SH3KBP1: variants seen among roughly 807,000 people sequenced by gnomAD.
SH3KBP1 encodes the protein SH3 domain-containing kinase-binding protein 1.
A neutral mutation model predicts 50.1 loss-of-function variants in SH3KBP1; 8 were observed. The ratio of observed to expected loss-of-function variants is 0.16; its 90% CI spans 0.09 to 0.29. SH3KBP1 has a LOEUF of 0.29. SH3KBP1 is among the 10% of genes least tolerant of loss of function. The pLI is 1.00. For synonymous variants in SH3KBP1, 227 were observed against 218.6 expected, an observed-to-expected ratio of 1.04 and a Z score of -0.34; for missense variants, 377 against 535.2, an observed-to-expected ratio of 0.70 and a Z score of 2.92.
chrX:19,799,154 C>G (rs190677984), intron 2 of SH3KBP1, among the ~76,000 whole-genome samples: 3 of 110,351 alleles, frequency 2.7e-5, no homozygotes, highest in East Asian at 2.9e-4. Flanking sequence ...TGGCTTCCCC[C>G]CTAGATTCCC....
chrX:19,863,333 G>A (rs1471401162), intron 1 of SH3KBP1, among the ~76,000 whole-genome samples: 1 of 111,190 alleles, frequency 9.0e-6, no homozygotes, highest in Admixed American at 9.5e-5. Context: ...AAGTAACAGG[G>A]ACTATAGGTA....
intron 3 of SH3KBP1, among the ~76,000 whole-genome samples, chrX:19,737,179 T>C (rs2064612342): frequency 9.0e-6 from 1 of 111,509 alleles, no homozygotes; most frequent in South Asian, 3.8e-4. Context: ...CCCAAAGTGT[T>C]GGGATTACAG....
rs183170157 is a variant in SH3KBP1, at chrX:19,880,036, G to A, written c.4+7271C>T. Among the ~76,000 whole-genome samples, 506 of 112,658 alleles carry A rather than the reference G, an allele frequency of 4.5e-3. 1 individual carries two copies. The highest frequency in any genetic ancestry group is 7.2e-3 in the Non-Finnish European group (381 of 53,217). ...ATGACTCTCCACTCCCCTGACCCCC[G>A]CCACCAGCTGTGACAACCAAAAGTG... On this transcript the variant is annotated intron_variant, in intron 1 of 17. Transcript: ENST00000397821.
At chrX:19,724,139 AG>A (rs2064150651) in intron 3 of SH3KBP1, among the ~76,000 whole-genome samples, 1 of 111,194 alleles carries the variant, frequency 9.0e-6, no homozygotes, top group African/African-American at 3.3e-5. Context: ...CCCCTCTCAG[AG>A]GGCAGAAAGT....
At chrX:19,851,074 G>T (rs918176582) in intron 1 of SH3KBP1, among the ~76,000 whole-genome samples, 1 of 111,412 alleles carries the variant, frequency 9.0e-6, no homozygotes, top group African/African-American at 3.3e-5. Flanking sequence ...GGCTGAAGAT[G>T]ATCTCCCAGG....
intron 12 of SH3KBP1, among the ~76,000 whole-genome samples, chrX:19,581,651 G>A (rs1490096213): frequency 3.6e-5 from 4 of 110,574 alleles, no homozygotes; most frequent in Non-Finnish European, 5.7e-5. Flanking sequence ...AAGATGCCTT[G>A]GTAAATTTAA....
intron 13 of SH3KBP1, among the ~76,000 whole-genome samples, chrX:19,565,908 T>C (rs2065829712): frequency 9.3e-6 from 1 of 107,076 alleles, no homozygotes; most frequent in African/African-American, 3.4e-5. Flanking sequence ...TACAAAATGA[T>C]TACTAGGTTT....
intron 2 of SH3KBP1, among the ~76,000 whole-genome samples, chrX:19,799,142 C>T (rs2066817007): frequency 9.1e-6 from 1 of 110,080 alleles, no homozygotes; most frequent in African/African-American, 3.3e-5. Flanking sequence ...AAATTCCACA[C>T]CTGGCTTCCC....
intron 6 of SH3KBP1, among the ~76,000 whole-genome samples, chrX:19,668,642 G>A (rs998667309): frequency 5.8e-5 from 6 of 103,877 alleles, no homozygotes; most frequent in Non-Finnish European, 7.9e-5. Context: ...CTGAGGTCAC[G>A]AGTTTGAGAC....
At chrX:19,759,424 C>T (rs2065312174) in intron 2 of SH3KBP1, among the ~76,000 whole-genome samples, 1 of 111,953 alleles carries the variant, frequency 8.9e-6, no homozygotes, top group African/African-American at 3.2e-5. Context: ...ATTTCAAAGC[C>T]AAGCCCAAGT....
At chrX:19,635,902 G>A in intron 7 of SH3KBP1, among the ~76,000 whole-genome samples, 1 of 111,902 alleles carries the variant, frequency 8.9e-6, no homozygotes, top group Admixed American at 9.4e-5. Context: ...GTGTTTCAGA[G>A]AAAGGCAAGA....
chrX:19,694,905 C>T, intron 5 of SH3KBP1: 1 of 785,779 alleles, frequency 1.3e-6, no homozygotes, highest in Non-Finnish European at 1.9e-6. Flanking sequence ...AACATTCATG[C>T]CCATGACCTT....
At chrX:19,823,527 C>G (rs1256121233) in intron 2 of SH3KBP1, among the ~76,000 whole-genome samples, 2 of 112,090 alleles carry the variant, frequency 1.8e-5, no homozygotes, top group Non-Finnish European at 3.8e-5. Context: ...CTCTTCAAAG[C>G]AGCAAGTCCT....
chrX:19,835,067 T>A (rs1207776004), intron 2 of SH3KBP1, among the ~76,000 whole-genome samples: 2 of 108,222 alleles, frequency 1.8e-5, no homozygotes, highest in East Asian at 5.8e-4. Flanking sequence ...GCAATATGAA[T>A]ACAAAGGTGG....
intron 8 of SH3KBP1, among the ~76,000 whole-genome samples, chrX:19,612,747 T>A (rs1175342534): frequency 1.8e-5 from 2 of 110,308 alleles, no homozygotes; most frequent in Non-Finnish European, 3.8e-5. Flanking sequence ...AAGCTCAGAG[T>A]CTAGTGGGAG....
intron 1 of SH3KBP1, among the ~76,000 whole-genome samples, chrX:19,858,138 C>T (rs1042235483): frequency 2.7e-5 from 3 of 109,283 alleles, no homozygotes; most frequent in Non-Finnish European, 3.8e-5. Flanking sequence ...AAGATTGTGC[C>T]GCTACACTCC....
chrX:19,847,143 G>A (rs969969947), intron 1 of SH3KBP1, among the ~76,000 whole-genome samples: 1 of 111,469 alleles, frequency 9.0e-6, no homozygotes, highest in Non-Finnish European at 1.9e-5. Context: ...TCTCATAAGA[G>A]AGATAGCAGA....
rs763818631 is a variant in SH3KBP1 at position 19,575,507 on chromosome X, T to C, written c.1299-6319A>G. On this transcript the variant is annotated intron_variant, in intron 12 of 17. Transcript: ENST00000397821. ...TTCTAAAGCACCAGCCACATGTTGA[T>C]AGGAAGGAGAGTGGGATCTCTCCAG... Among the ~76,000 whole-genome samples the C allele has an allele frequency of 1.1e-3, 121 of 111,359 alleles. 1 individual carries two copies. Among genetic ancestry groups the C allele is most frequent in the Non-Finnish European group, 1.8e-3 (96 of 53,066 alleles).
At chrX:19,830,182 A>G (rs191185593) in intron 2 of SH3KBP1, among the ~76,000 whole-genome samples, 1 of 111,009 alleles carries the variant, frequency 9.0e-6, no homozygotes, top group East Asian at 2.8e-4. Flanking sequence ...AGTAGGTCTC[A>G]GCCTTATTTT....
Sources: gnomAD v4.1 joint callset for allele counts (sites outside exome capture counted in the v4.1 genomes callset) on GRCh38, gnomAD v4.1.1 for gene constraint, MANE v1.5 for transcripts, NCBI Gene and HGNC (gene_info 2026-07-23, HGNC 2026-07-21) for gene names.